Variants in GNB4 observed in about 807,000 individuals in gnomAD.
GNB4 encodes the protein G protein subunit beta 4.
GNB4 carries 28 observed loss-of-function variants against 45.2 expected under a neutral mutation model. The observed-to-expected ratio is 0.62, with a 90% CI of 0.46 to 0.85. GNB4 has a LOEUF of 0.85. Among genes scored for constraint, GNB4 ranks in the 40% least tolerant of loss-of-function variants. The probability of loss-of-function intolerance (pLI) is 0.00; values close to 1 mark genes in which losing one functional copy is unlikely to be tolerated. For synonymous variants in GNB4, 132 were observed against 143.7 expected, an observed-to-expected ratio of 0.92 and a Z score of 0.58; for missense variants, 321 against 425.4, an observed-to-expected ratio of 0.75 and a Z score of 2.16.
intron 6 of GNB4, among the ~76,000 whole-genome samples, 189 bp from the exon 7 acceptor site, chr3:179,413,970 C>T (rs1163065044): frequency 6.6e-6 from 1 of 152,094 alleles, no homozygotes; most frequent in Non-Finnish European, 1.5e-5. Flanking sequence ...ATCCACAAAC[C>T]ATTCTTAGGC....
At chr3:179,441,139 C>T (rs1389472532) in intron 1 of GNB4, among the ~76,000 whole-genome samples, 1 of 152,200 alleles carries the variant, frequency 6.6e-6, no homozygotes, top group Non-Finnish European at 1.5e-5. Flanking sequence ...AGAAACCCAC[C>T]CCATCAGAAA....
the GNB4 span, among the ~76,000 whole-genome samples, chr3:179,500,839 G>A: frequency 6.6e-6 from 1 of 152,124 alleles, no homozygotes; most frequent in African/African-American, 2.4e-5. Flanking sequence ...TATTCTCTTT[G>A]TAGCAATTGT....
chr3:179,468,190 C>T, the GNB4 span, among the ~76,000 whole-genome samples: 1 of 150,842 alleles, frequency 6.6e-6, no homozygotes, highest in Admixed American at 6.6e-5. Flanking sequence ...AGAGCAAGAC[C>T]TTGTCTCTAA....
chr3:179,436,704 G>A (rs760192917), intron 1 of GNB4, among the ~76,000 whole-genome samples: 17 of 152,106 alleles, frequency 1.1e-4, no homozygotes, highest in Non-Finnish European at 1.8e-4. Flanking sequence ...AGTCAAAACC[G>A]TACAGCTGCA....
the GNB4 span, among the ~76,000 whole-genome samples, chr3:179,497,698 T>TA: frequency 0.48 from 72,539 of 151,530 alleles, 17,818 homozygotes; most frequent in East Asian, 0.63. Flanking sequence ...CTCAGTAGTT[T>TA]AAAAAAAATT....
At chr3:179,512,430 C>CT in the GNB4 span, among the ~76,000 whole-genome samples, 1 of 152,162 alleles carries the variant, frequency 6.6e-6, no homozygotes, top group African/African-American at 2.4e-5. Context: ...TAGAGAACAA[C>CT]TTTTCCATAT....
rs777652165 is a variant in GNB4 at position 179,401,328 on chromosome 3, A to C, written c.917-9T>G. ...ATGACCAGCAAGGACACCTGAAAAA[A>C]AAATTCAGTAAAAAATTGGCAATTG... On this transcript the variant is annotated splice_polypyrimidine_tract_variant and intron_variant, in intron 9 of 9. Coordinates refer to ENST00000232564, the MANE Select transcript of GNB4 (RefSeq NM_021629.4). 1.3e-6 allele frequency: 2 copies of C among 1,598,970 alleles called. No individual in the cohort carries two copies. Among genetic ancestry groups the C allele is most frequent in the African/African-American group, 2.7e-5 (2 of 74,344 alleles).
the GNB4 span, among the ~76,000 whole-genome samples, chr3:179,481,367 C>T: frequency 1.3e-5 from 2 of 151,976 alleles, no homozygotes; most frequent in African/African-American, 4.8e-5. Flanking sequence ...TAGAGTGCAG[C>T]ATTGTGATCA....
At chr3:179,411,396 G>A (rs1405187945) in intron 8 of GNB4, among the ~76,000 whole-genome samples, 2 of 149,734 alleles carry the variant, frequency 1.3e-5, no homozygotes, top group Admixed American at 1.3e-4. Context: ...ATCTTTGTTT[G>A]AATCATTTTA....
chr3:179,497,339 C>T, the GNB4 span, among the ~76,000 whole-genome samples: 3 of 152,078 alleles, frequency 2.0e-5, no homozygotes, highest in Non-Finnish European at 2.9e-5. Flanking sequence ...TTACACCATA[C>T]ACAAAATCTA....
the GNB4 span, among the ~76,000 whole-genome samples, chr3:179,482,596 TGTA>T: frequency 6.6e-6 from 1 of 152,238 alleles, no homozygotes; most frequent in African/African-American, 2.4e-5. Flanking sequence ...ACATTGAGGC[TGTA>T]GTTCCTCTCT....
Position 179,419,405 on chromosome 3 carries a change from T to C in GNB4, c.197A>G (p.Asp66Gly). Reference protein sequence around the residue: ...AKIYAMHWGYDSRLLVSASQD... With the variant: ...AKIYAMHWGYGSRLLVSASQD... ...GGTAATGACAGGTACAAACCTGGAA[T>C]CGTATCCCCAATGCATAGCATAGAT... Residue 66 changes from aspartate (D) to glycine (G), a missense_variant, in exon 4 of 10, where the codon GAT (aspartate) becomes GGT (glycine). Coordinates refer to ENST00000232564, the MANE Select transcript of GNB4 (RefSeq NM_021629.4). 6.3e-7 allele frequency: 1 copy of C among 1,587,612 alleles called. No individual in the cohort carries two copies. The highest frequency in any genetic ancestry group is 8.7e-7 in the Non-Finnish European group (1 of 1,155,924).
chr3:179,446,328 T>C (rs2108622067), intron 1 of GNB4, among the ~76,000 whole-genome samples: 1 of 152,376 alleles, frequency 6.6e-6, no homozygotes, highest in East Asian at 1.9e-4. Flanking sequence ...CAATAAAGGT[T>C]CACTGAAATT....
upstream of GNB4, among the ~76,000 whole-genome samples, chr3:179,455,801 G>A (rs1715967683): frequency 1.3e-5 from 2 of 152,172 alleles, no homozygotes; most frequent in Admixed American, 6.5e-5. Flanking sequence ...GTTCCATGCT[G>A]GCTCAGATAG....
chr3:179,519,953 G>T, the GNB4 span, among the ~76,000 whole-genome samples: 2 of 151,980 alleles, frequency 1.3e-5, no homozygotes, highest in African/African-American at 4.8e-5. Flanking sequence ...CCCCCATTTT[G>T]TCTGTCCAAA....
chr3:179,453,134 C>T (rs1715925835), upstream of GNB4, among the ~76,000 whole-genome samples: 1 of 151,964 alleles, frequency 6.6e-6, no homozygotes, highest in African/African-American at 2.4e-5. Context: ...CACATTCTTT[C>T]TTTTTTTTGT....
At chr3:179,513,159 G>A in the GNB4 span, among the ~76,000 whole-genome samples, 3 of 148,804 alleles carry the variant, frequency 2.0e-5, no homozygotes, top group Non-Finnish European at 4.4e-5. Context: ...CAATACTAAA[G>A]AAAGGATAAG....
upstream of GNB4, among the ~76,000 whole-genome samples, chr3:179,455,679 A>G (rs372908525): frequency 9.8e-5 from 15 of 152,352 alleles, no homozygotes; most frequent in East Asian, 2.5e-3. Flanking sequence ...ATGACATATT[A>G]GTTATCTATT....
rs770638167 is a variant in GNB4, at chr3:179,420,455, C to CAT, written c.96+432_96+433dup. ...ATGCTTGGCCTTGAAAATATATATA[C>CAT]ATATATATATATATATTTTTTTTTG... On this transcript the variant is annotated intron_variant, in intron 3 of 9. Transcript: ENST00000232564. Among the ~76,000 whole-genome samples the CAT allele has an allele frequency of 3.3e-3, 338 of 102,102 alleles. 7 individuals carry two copies. The East Asian group carries it at 0.057, about 17-fold the overall frequency. The allele number at this position is 102,102 out of a possible 152,430, so 67.0% of individuals were successfully genotyped here. A position where few individuals can be genotyped will look rare whatever the true frequency, so the allele number is the denominator to read the frequency against.
Sources: allele counts gnomAD v4.1 joint callset (sites outside exome capture counted in the v4.1 genomes callset), GRCh38; gene constraint gnomAD v4.1.1; transcripts MANE v1.5; gene names NCBI Gene and HGNC (gene_info 2026-07-23, HGNC 2026-07-21).